The following POLA1 variants were observed in gnomAD, a reference collection of about 807,000 sequenced individuals.
The protein encoded by POLA1 is DNA polymerase alpha 1, catalytic subunit, also known as DNA polymerase alpha catalytic subunit.
In POLA1, 15 loss-of-function variants were observed where a neutral mutation model predicts 124.0. That is an observed-to-expected ratio of 0.12 (90% confidence interval 0.08 to 0.19). The LOEUF is 0.19. Among genes scored for constraint, POLA1 ranks in the 10% least tolerant of loss-of-function variants. POLA1 has a pLI of 1.00. For missense variants in POLA1, 886 were observed against 1,103.4 expected, an observed-to-expected ratio of 0.80 and a Z score of 2.79; for synonymous variants, 408 against 389.4, an observed-to-expected ratio of 1.05 and a Z score of -0.56.
chrX:24,752,806 A>G (rs972897946), intron 26 of POLA1, among the ~76,000 whole-genome samples: 4 of 111,474 alleles, frequency 3.6e-5, no homozygotes, highest in African/African-American at 1.3e-4. Flanking sequence ...ATCATTAGTT[A>G]TATTGATAGG....
chrX:24,902,569 G>A (rs971623203), intron 35 of POLA1, among the ~76,000 whole-genome samples: 1 of 111,603 alleles, frequency 9.0e-6, no homozygotes, highest in Non-Finnish European at 1.9e-5. Flanking sequence ...ATCTTCTAGG[G>A]CAAATCTTGA....
At position 24,724,413 on chromosome X, in the gene POLA1, A is replaced by G; in HGVS notation, c.1279A>G (p.Ile427Val). The change falls in exon 12 of 37, where the codon ATA becomes GTA. Residue 427 changes from isoleucine to valine, a missense_variant. Ile to Val is a conservative substitution (Grantham distance 29, BLOSUM62 3). Around this residue, in one of 7 missense-constraint regions of POLA1, gnomAD observed 337 missense variants for 402.8 expected, o/e 0.84. Coordinates refer to ENST00000379068, the MANE Select transcript of POLA1 (RefSeq NM_001330360.2). Reference sequence around the variant, plus strand: ...TGTTTATGAGGAATTTGATGAGAAAATAGCAACAAAATATAAAATTATGAA... The same window carrying G: ...TGTTTATGAGGAATTTGATGAGAAAGTAGCAACAAAATATAAAATTATGAA... The part of the protein sequence containing the change: ...KDVYEEFDEK[I>V]ATKYKIMKFK... 9.3e-7 allele frequency: 1 copy of G among 1,071,863 alleles called. No homozygotes were observed. Among genetic ancestry groups the G allele is most frequent in the South Asian group, 1.9e-5 (1 of 51,380 alleles). The allele number at this position is 1,071,863 out of a possible 1,213,427, so 88.3% of individuals were successfully genotyped here. A position where few individuals can be genotyped will look rare whatever the true frequency, so the allele number is the denominator to read the frequency against.
intron 36 of POLA1, among the ~76,000 whole-genome samples, chrX:24,975,537 A>G (rs1290115994): frequency 8.9e-6 from 1 of 112,442 alleles, no homozygotes; most frequent in Non-Finnish European, 1.9e-5. Context: ...ATAGAAAGCC[A>G]GCCTGATTTC....
At chrX:24,965,497 T>A (rs1289524231) in intron 36 of POLA1, among the ~76,000 whole-genome samples, 1 of 111,951 alleles carries the variant, frequency 8.9e-6, no homozygotes, top group East Asian at 2.8e-4. Context: ...TAATTGCTTT[T>A]TCATCCTTGT....
At chrX:24,734,251 C>G (rs1216515499) in intron 17 of POLA1, 1 of 112,339 alleles carries the variant, frequency 8.9e-6, no homozygotes, top group Non-Finnish European at 1.9e-5. Context: ...GATCAGTGAT[C>G]TCTAAATTCC....
At chrX:24,847,076 T>A (rs887363295) in intron 34 of POLA1, among the ~76,000 whole-genome samples, 1 of 111,952 alleles carries the variant, frequency 8.9e-6, no homozygotes, top group African/African-American at 3.3e-5. Flanking sequence ...CTCTGTCAAG[T>A]GCTGCTGGGA....
intron 31 of POLA1, among the ~76,000 whole-genome samples, chrX:24,825,823 C>T (rs914895360): frequency 3.6e-5 from 4 of 111,430 alleles, no homozygotes; most frequent in African/African-American, 1.3e-4. Context: ...TGCCACTCTG[C>T]TAGGACACTA....
intron 28 of POLA1, among the ~76,000 whole-genome samples, chrX:24,812,145 A>G (rs748705551): frequency 8.0e-5 from 9 of 112,582 alleles, no homozygotes; most frequent in Non-Finnish European, 1.7e-4. Context: ...CCCTGTCAGA[A>G]AGAGCAGAGG....
At chrX:24,817,607 C>CAAAAA (rs1171262514) in intron 30 of POLA1, among the ~76,000 whole-genome samples, 32 of 32,187 alleles carry the variant, frequency 9.9e-4, no homozygotes, top group South Asian at 1.7e-3. Flanking sequence ...GATTCCATCT[C>CAAAAA]AAAAAAAAAA....
chrX:24,917,715 C>T (rs1217985257), intron 35 of POLA1, among the ~76,000 whole-genome samples: 1 of 111,536 alleles, frequency 9.0e-6, no homozygotes, highest in Non-Finnish European at 1.9e-5. Context: ...AGCCTAGCAG[C>T]CATGTTTAGG....
chrX:24,952,334 C>T (rs2048057833), intron 36 of POLA1, among the ~76,000 whole-genome samples: 1 of 111,983 alleles, frequency 8.9e-6, no homozygotes, highest in Non-Finnish European at 1.9e-5. Context: ...ACTAATTCCC[C>T]AAATCTGTTA....
Position 24,741,491 on chromosome X carries a change from C to T in POLA1, c.2333C>T (p.Ala778Val), listed in dbSNP as rs1480751978. 8.3e-7 allele frequency: 1 copy of T among 1,204,797 alleles called. No individual in the cohort carries two copies. The highest frequency in any genetic ancestry group is 1.1e-6 in the Non-Finnish European group (1 of 889,946). ...TTAGCATTGCAGATCACTAACATCG[C>T]TGGGAACATTATGGTAAATTTAACT... Reference protein sequence around the residue: ...LPLALQITNIAGNIMSRTLMG... With the variant: ...LPLALQITNIVGNIMSRTLMG... Residue 778 changes from alanine to valine, a missense_variant, in exon 21 of 37, where the codon GCT (alanine) becomes GTT (valine). Physicochemically the swap from Ala to Val is moderately conservative, Grantham distance 64. This residue lies in a region of POLA1 where 182 missense variants were observed against 252.8 expected (regional missense o/e 0.72). Transcript: ENST00000379068.
intron 3 of POLA1, among the ~76,000 whole-genome samples, chrX:24,703,958 T>A (rs1928634712): frequency 8.9e-6 from 1 of 111,939 alleles, no homozygotes; most frequent in Non-Finnish European, 1.9e-5. Context: ...ACAGGGAGCA[T>A]GTAGATTGTG....
chrX:24,821,014 C>G (rs1319456881), intron 30 of POLA1, among the ~76,000 whole-genome samples: 1 of 111,593 alleles, frequency 9.0e-6, no homozygotes, highest in Non-Finnish European at 1.9e-5. Flanking sequence ...ATGAGTAAAT[C>G]CAGTGATTTC....
chrX:24,765,879 A>G (rs1226213738), intron 26 of POLA1, among the ~76,000 whole-genome samples: 1 of 111,698 alleles, frequency 9.0e-6, no homozygotes, highest in East Asian at 2.8e-4. Flanking sequence ...TATGAAGCTG[A>G]TATGTATCTT....
At chrX:24,933,814 G>A (rs5944699) in intron 36 of POLA1, among the ~76,000 whole-genome samples, 54,910 of 111,284 alleles carry the variant, frequency 0.49, 11,078 homozygotes, top group African/African-American at 0.8. Context: ...TTTCAAACGA[G>A]AGTTTACAGA....
chrX:24,920,091 C>T (rs1253678270), intron 35 of POLA1, among the ~76,000 whole-genome samples: 1 of 109,652 alleles, frequency 9.1e-6, no homozygotes, highest in African/African-American at 3.3e-5. Context: ...AGATGATCCT[C>T]CCGCCTTGGC....
intron 4 of POLA1, 25 bp from the exon 5 acceptor site, chrX:24,714,529 T>G (rs1021700320): frequency 1.0e-6 from 1 of 976,478 alleles, no homozygotes; most frequent in African/African-American, 1.9e-5. Context: ...TGATGCATGT[T>G]TCTAAATAAT....
intron 35 of POLA1, among the ~76,000 whole-genome samples, chrX:24,920,923 A>G (rs1214678631): frequency 8.9e-6 from 1 of 112,462 alleles, no homozygotes; most frequent in Non-Finnish European, 1.9e-5. Context: ...ATTTCATGCC[A>G]AGAAGTGAGA....
Sources: gnomAD v4.1 joint callset for allele counts (sites outside exome capture counted in the v4.1 genomes callset) on GRCh38, gnomAD v4.1.1 for gene constraint, gnomAD v4.1.1 regional missense constraint, MANE v1.5 for transcripts, NCBI Gene and HGNC (gene_info 2026-07-23, HGNC 2026-07-21) for gene names.